Variants in LRRFIP2 observed in about 807,000 individuals in gnomAD.
The protein encoded by LRRFIP2 is LRR binding FLII interacting protein 2, also known as leucine-rich repeat flightless-interacting protein 2.
Under a neutral mutation model 125.9 loss-of-function variants are expected in LRRFIP2, and 109 were observed. The observed-to-expected ratio is 0.87, with a 90% CI of 0.74 to 1.01. LRRFIP2 has a LOEUF of 1.01. Among genes scored for constraint, LRRFIP2 ranks in the 50% least tolerant of loss-of-function variants. The pLI, the probability that LRRFIP2 is intolerant of heterozygous loss-of-function variation, is 0.00. For synonymous variants in LRRFIP2, 291 were observed against 293.1 expected (o/e 0.99, Z 0.07); for missense variants, 850 against 862.3 (o/e 0.99, Z 0.18).
intron 19 of LRRFIP2, among the ~76,000 whole-genome samples, chr3:37,079,347 A>C (rs2092419816): frequency 6.6e-6 from 1 of 152,248 alleles, no homozygotes; most frequent in Non-Finnish European, 1.5e-5. Flanking sequence ...AAAATGGTGC[A>C]GCCACTTCGG....
rs559026755 is a variant in LRRFIP2, at chr3:37,152,939, T to C, written c.-55-3901A>G. 3.9e-5 allele frequency among the ~76,000 whole-genome samples: 6 copies of C among 152,278 alleles called. No individual in the cohort carries two copies. The South Asian group carries it at 1.2e-3, about 32-fold the overall frequency. On this transcript the variant is annotated intron_variant, in intron 1 of 27. Transcript: ENST00000336686. ...ATTTCACAGAAGCAGGAAACAAAAA[T>C]GTAAGCATTTTCTAATTCCAGACAC...
chr3:37,120,650 G>GA (rs2094989112), intron 6 of LRRFIP2, among the ~76,000 whole-genome samples: 1 of 151,696 alleles, frequency 6.6e-6, no homozygotes, highest in Admixed American at 6.6e-5. Flanking sequence ...AAGGTAGAAA[G>GA]AAAATTACAG....
At chr3:37,101,352 G>A (rs1342730155) in intron 15 of LRRFIP2, among the ~76,000 whole-genome samples, 15 of 125,560 alleles carry the variant, frequency 1.2e-4, no homozygotes, top group East Asian at 4.1e-4. Context: ...GTGAGACTCC[G>A]TCTCAAAAAA....
chr3:37,139,410 A>T (rs1210488135), intron 2 of LRRFIP2, among the ~76,000 whole-genome samples: 1 of 152,194 alleles, frequency 6.6e-6, no homozygotes, highest in Non-Finnish European at 1.5e-5. Context: ...TCTCTGCAAG[A>T]CCTTATCAGT....
chr3:37,073,727 T>C (rs2091634758), intron 20 of LRRFIP2, among the ~76,000 whole-genome samples: 1 of 152,230 alleles, frequency 6.6e-6, no homozygotes, highest in South Asian at 2.1e-4. Flanking sequence ...TGATGAACTA[T>C]AGAAATCAAG....
At chr3:37,144,668 T>C (rs58883265) in intron 2 of LRRFIP2, among the ~76,000 whole-genome samples, 1,613 of 152,302 alleles carry the variant, frequency 0.011, 38 homozygotes, top group African/African-American at 0.036. Flanking sequence ...AACTTTAGTA[T>C]CACAGTGTTG....
chr3:37,083,726 C>A lies in LRRFIP2; in HGVS notation c.1188G>T (p.Leu396Phe). The change falls in exon 19 of 28, where the codon TTG becomes TTT. Residue 396 changes from leucine (L) to phenylalanine (F), a missense_variant. Physicochemically the swap from Leu to Phe is conservative, Grantham distance 22. Coordinates refer to ENST00000336686, the MANE Select transcript of LRRFIP2 (RefSeq NM_006309.4). ...NAQLDNEKNNLIYQVDTLKDV... is the reference protein window; with the variant it reads ...NAQLDNEKNNFIYQVDTLKDV... ...CCTTGAGTGTGTCTACTTGGTAGAT[C>A]AAATTGTTCTTCTCATTGTCTAACT... 6.2e-7 allele frequency: 1 copy of A among 1,601,584 alleles called. No individual in the cohort carries two copies. Among genetic ancestry groups the A allele is most frequent in the South Asian group, 1.1e-5 (1 of 88,424 alleles).
At position 37,134,628 on chromosome 3, in the gene LRRFIP2, G is replaced by C. The variant is rs142424952; in HGVS notation, c.91-5479C>G. On this transcript the variant is annotated intron_variant, in intron 2 of 27. Transcript: ENST00000336686. ...CCAGACTTTTGAGCACATACCGAGAGAGTGAGGAGCCAGATGACAAGCACA... is the reference window on the plus strand; with the variant it reads ...CCAGACTTTTGAGCACATACCGAGACAGTGAGGAGCCAGATGACAAGCACA... The C allele has an allele frequency of 5.0e-6, 3 of 601,146 alleles. No homozygotes were observed. In the East Asian group the frequency reaches 1.3e-4, roughly 26 times the overall value. The allele number at this position is 601,146 out of a possible 1,614,324, so 37.2% of individuals were successfully genotyped here.
chr3:37,124,233 CAATTTA>C (rs1398172220), intron 4 of LRRFIP2, among the ~76,000 whole-genome samples: 1 of 152,124 alleles, frequency 6.6e-6, no homozygotes, highest in Admixed American at 6.5e-5. Context: ...TAATTTTAGT[CAATTTA>C]AATTTAAATT....
At position 37,072,758 on chromosome 3, in the gene LRRFIP2, G is replaced by GCTT. The variant is rs141977221; in HGVS notation, c.1464+29_1464+31dup. The GCTT allele has an allele frequency of 8.6e-4, 1,145 of 1,331,300 alleles. 12 individuals are homozygous for GCTT. The African/African-American group carries it at 0.014, about 17-fold the overall frequency. 82.5% of individuals were successfully genotyped at this position (1,331,300 alleles called of 1,614,324 possible). A position where few individuals can be genotyped will look rare whatever the true frequency, so the allele number is the denominator to read the frequency against. The stretch of plus-strand genomic sequence containing the variant: ...ATTCTACTGTAGTCCTCATCAATGA[G>GCTT]CTTCTAACCAAAGCCCAATTTCATT... On this transcript the variant is annotated intron_variant, in intron 21 of 27. Transcript: ENST00000336686.
chr3:37,131,381 G>C (rs1047938692), intron 2 of LRRFIP2, among the ~76,000 whole-genome samples: 1 of 151,984 alleles, frequency 6.6e-6, no homozygotes, highest in Non-Finnish European at 1.5e-5. Flanking sequence ...TTATTATGTT[G>C]TATTAAAATT....
chr3:37,165,943 T>G (rs2150335520), intron 1 of LRRFIP2, among the ~76,000 whole-genome samples: 1 of 152,136 alleles, frequency 6.6e-6, no homozygotes, highest in African/African-American at 2.4e-5. Context: ...GGAGAAAATA[T>G]ATGGGAAAAA....
chr3:37,105,666 T>C (rs997064069), intron 13 of LRRFIP2, 143 bp from the exon 14 acceptor site: 1 of 553,378 alleles, frequency 1.8e-6, no homozygotes, highest in Non-Finnish European at 3.2e-6. Flanking sequence ...GGGCACCTTA[T>C]ATATTAATAA....
At chr3:37,133,867 T>G (rs2095490112) in intron 2 of LRRFIP2, among the ~76,000 whole-genome samples, 2 of 152,184 alleles carry the variant, frequency 1.3e-5, no homozygotes, top group South Asian at 4.1e-4. Context: ...TTAGAAGTAT[T>G]CAGAAGCCTA....
chr3:37,150,014 A>C (rs2095974351), intron 1 of LRRFIP2, among the ~76,000 whole-genome samples: 1 of 151,558 alleles, frequency 6.6e-6, no homozygotes, highest in Non-Finnish European at 1.5e-5. Context: ...AAAAAACAAA[A>C]ACAAACAGAC....
intron 13 of LRRFIP2, among the ~76,000 whole-genome samples, chr3:37,106,681 G>A (rs1383685445): frequency 6.6e-6 from 1 of 152,066 alleles, no homozygotes; most frequent in African/African-American, 2.4e-5. Context: ...AGTGGTTCAC[G>A]CCTGTAATCC....
intron 19 of LRRFIP2, among the ~76,000 whole-genome samples, chr3:37,076,342 T>C (rs1553704134): frequency 6.6e-6 from 1 of 151,058 alleles, no homozygotes; most frequent in Non-Finnish European, 1.5e-5. Flanking sequence ...CTGGGCAACA[T>C]GGCAAAACCC....
At chr3:37,147,945 C>T (rs1239866717) in intron 2 of LRRFIP2, among the ~76,000 whole-genome samples, 5 of 152,064 alleles carry the variant, frequency 3.3e-5, no homozygotes, top group South Asian at 2.1e-4. Context: ...AACAAAATTG[C>T]CCCAGAAGTT....
At chr3:37,152,581 C>G (rs2096064917) in intron 1 of LRRFIP2, among the ~76,000 whole-genome samples, 1 of 152,186 alleles carries the variant, frequency 6.6e-6, no homozygotes, top group South Asian at 2.1e-4. Context: ...GTAGCTGGGA[C>G]TACATGTGTG....
Sources: gnomAD v4.1 joint callset for allele counts (sites outside exome capture counted in the v4.1 genomes callset) on GRCh38, gnomAD v4.1.1 for gene constraint, MANE v1.5 for transcripts, NCBI Gene and HGNC (gene_info 2026-07-23, HGNC 2026-07-21) for gene names.